The following PRKDC variants were observed in gnomAD, a reference collection of about 807,000 sequenced individuals.
PRKDC encodes the protein DNA-dependent protein kinase catalytic subunit.
Under a neutral mutation model 486.9 loss-of-function variants are expected in PRKDC, and 82 were observed. That is an observed-to-expected ratio of 0.17 (90% CI 0.14 to 0.20). The LOEUF (loss-of-function observed/expected upper bound fraction) is 0.20, where lower values mean the gene tolerates loss of function less well. PRKDC is among the 10% of genes least tolerant of loss of function. The probability of loss-of-function intolerance (pLI) is 1.00; values close to 1 mark genes in which losing one functional copy is unlikely to be tolerated. For synonymous variants in PRKDC, 1,895 were observed against 1,837.0 expected (o/e 1.03, Z -0.81); for missense variants, 4,504 against 5,038.2 (o/e 0.89, Z 3.21).
chr8:47,928,994 T>C, intron 19 of PRKDC, 98 bp downstream of exon 19: 1 of 1,032,400 alleles, frequency 9.7e-7, no homozygotes. Flanking sequence ...CCAGCCCCAA[T>C]TCTTAAAATA....
intron 54 of PRKDC, among the ~76,000 whole-genome samples, chr8:47,848,163 T>G (rs2088316282): frequency 6.6e-6 from 1 of 152,096 alleles, no homozygotes; most frequent in Non-Finnish European, 1.5e-5. Flanking sequence ...AAATAAATCT[T>G]TCTACCAAAA....
intron 69 of PRKDC, 105 bp downstream of exon 69, chr8:47,807,032 A>C: frequency 8.7e-7 from 1 of 1,153,894 alleles, no homozygotes; most frequent in Non-Finnish European, 1.2e-6. Context: ...AATAACACCT[A>C]CCAATTATTT....
intron 7 of PRKDC, among the ~76,000 whole-genome samples, chr8:47,946,704 A>G (rs1019668526): frequency 7.2e-5 from 11 of 152,166 alleles, no homozygotes; most frequent in African/African-American, 2.4e-4. Context: ...TTTCTGCTGC[A>G]AGATCCCCTG....
intron 11 of PRKDC, among the ~76,000 whole-genome samples, chr8:47,937,538 C>A (rs976062696): frequency 1.3e-5 from 2 of 152,150 alleles, no homozygotes; most frequent in Non-Finnish European, 2.9e-5. Context: ...CTCACAAATG[C>A]GCTAATGTAA....
chr8:47,928,516 A>T (rs1039095010), intron 19 of PRKDC, among the ~76,000 whole-genome samples: 3 of 151,722 alleles, frequency 2.0e-5, no homozygotes, highest in African/African-American at 7.3e-5. Flanking sequence ...GTCCCGCTCC[A>T]GATTTAGCAA....
chr8:47,783,075 C>T (rs1005263003), intron 78 of PRKDC: 23 of 166,934 alleles, frequency 1.4e-4, no homozygotes, highest in Admixed American at 9.6e-4. Context: ...CTCAGGAGTT[C>T]GAGACCAGTC....
At chr8:47,890,671 T>C (rs1213581606) in intron 31 of PRKDC, among the ~76,000 whole-genome samples, 191 bp from the exon 32 acceptor site, 1 of 152,212 alleles carries the variant, frequency 6.6e-6, no homozygotes, top group Admixed American at 6.5e-5. Context: ...AAGGACACAT[T>C]GATGGAAAGT....
At chr8:47,912,603 G>A (rs749211383) in intron 24 of PRKDC, 41 bp from the exon 25 acceptor site, 59 of 1,513,600 alleles carry the variant, frequency 3.9e-5, no homozygotes, top group Non-Finnish European at 4.9e-5. Flanking sequence ...AAGTTATCAC[G>A]TTGATGACAA....
chr8:47,944,026 G>A lies in PRKDC; in HGVS notation c.725C>T (p.Pro242Leu), dbSNP rs1470793813. Reference protein sequence around the residue: ...CNFTKSMEEDPQTSREIFNFV... With the variant: ...CNFTKSMEEDLQTSREIFNFV... ...ATTAAAAATCTCCCTTGAAGTCTGG[G>A]GATCTAGGGAAATACCAAGAAGCCT... is the stretch of plus-strand genomic sequence containing the variant. Residue 242 changes from proline (P) to leucine (L), a missense_variant, in exon 8 of 86, where the codon CCC becomes CTC. By Grantham distance (98) the Pro-to-Leu change is moderately conservative. This residue lies in a region of PRKDC where 1,969 missense variants were observed against 2,068.9 expected (regional missense o/e 0.95). Transcript: ENST00000314191. 1.3e-6 allele frequency: 2 copies of A among 1,561,128 alleles called. No homozygotes were observed. Among genetic ancestry groups the A allele is most frequent in the Non-Finnish European group, 1.7e-6 (2 of 1,151,192 alleles).
At chr8:47,932,403 G>A (rs1263031455) in intron 16 of PRKDC, among the ~76,000 whole-genome samples, 1 of 151,156 alleles carries the variant, frequency 6.6e-6, no homozygotes, top group Non-Finnish European at 1.5e-5. Flanking sequence ...TTTTTTAGTA[G>A]AGACGGGGTT....
intron 62 of PRKDC, 118 bp from the exon 63 acceptor site, chr8:47,826,979 G>T (rs2087752306): frequency 7.3e-6 from 7 of 965,462 alleles, no homozygotes; most frequent in Non-Finnish European, 1.0e-5. Flanking sequence ...GATATCACCA[G>T]AAGTTTCTCT....
chr8:47,890,129 TATAATAATAATA>T (rs36103307), intron 32 of PRKDC, 116 bp downstream of exon 32: 3 of 361,660 alleles, frequency 8.3e-6, no homozygotes, highest in Non-Finnish European at 1.3e-5. Flanking sequence ...GAGGATGAAA[TATAATAATAATA>T]ATAATAATAA....
chr8:47,855,514 C>T, intron 49 of PRKDC, 141 bp from the exon 50 acceptor site: 1 of 897,366 alleles, frequency 1.1e-6, no homozygotes. Context: ...TTTTCAGAAA[C>T]AGGTAACAAC....
At chr8:47,852,805 A>G (rs1393649722) in intron 51 of PRKDC, 21 bp from the exon 52 acceptor site, 1 of 1,410,252 alleles carries the variant, frequency 7.1e-7, no homozygotes. Flanking sequence ...CACAGAAAAG[A>G]CATATGCATC....
Position 47,863,586 on chromosome 8 carries a change from AG to A in PRKDC, c.5572-10del, listed in dbSNP as rs1235306486. The A allele has an allele frequency of 6.3e-7, 1 of 1,594,980 alleles. No homozygotes were observed. The highest frequency in any genetic ancestry group is 8.6e-7 in the Non-Finnish European group (1 of 1,166,744). On this transcript the variant is annotated splice_polypyrimidine_tract_variant and intron_variant, in intron 41 of 85. Coordinates refer to ENST00000314191, the MANE Select transcript of PRKDC (RefSeq NM_006904.7). ...AAGGTAGATTCATTTAGCTTCAAAA[AG>A]GTAAAAAATAATTATCTTTGGTCTT...
Position 47,803,310 on chromosome 8 carries a change from C to G in PRKDC, c.9918G>C (p.Leu3306Phe). The G allele has an allele frequency of 1.2e-6, 2 of 1,606,718 alleles. No homozygotes were observed. The highest frequency in any genetic ancestry group is 1.1e-5 in the South Asian group (1 of 90,106). ...GGATAAAAGCGGTCAACTTACCCAACAAAGAGACTGTTTTCAGCACAGTGA... is the reference window on the plus strand; with the variant it reads ...GGATAAAAGCGGTCAACTTACCCAAGAAAGAGACTGTTTTCAGCACAGTGA... ...QVLTVLKTVS[L>F]LDENNVSSYL... Residue 3306 changes from leucine to phenylalanine, a missense_variant, in exon 70 of 86, where the codon TTG becomes TTC. Physicochemically the swap from Leu to Phe is conservative, Grantham distance 22. Coordinates refer to ENST00000314191, the MANE Select transcript of PRKDC (RefSeq NM_006904.7).
chr8:47,939,754 C>T, intron 10 of PRKDC, 57 bp from the exon 11 acceptor site: 1 of 1,376,700 alleles, frequency 7.3e-7, no homozygotes, highest in Non-Finnish European at 9.8e-7. Flanking sequence ...GGAATCTATA[C>T]AAACATGGAA....
At chr8:47,958,481 ATTG>A (rs1259337995) in intron 1 of PRKDC, among the ~76,000 whole-genome samples, 1 of 152,178 alleles carries the variant, frequency 6.6e-6, no homozygotes, top group Non-Finnish European at 1.5e-5. Flanking sequence ...GCTTGTGGTA[ATTG>A]TTACAGCAGC....
chr8:47,862,006 T>C, intron 44 of PRKDC, 56 bp downstream of exon 44: 2 of 1,359,034 alleles, frequency 1.5e-6, no homozygotes, highest in Non-Finnish European at 2.0e-6. Flanking sequence ...TGACATAATA[T>C]GGTTTTCTTT....
Sources: allele counts gnomAD v4.1 joint callset (sites outside exome capture counted in the v4.1 genomes callset), GRCh38; gene constraint gnomAD v4.1.1; regional missense constraint gnomAD v4.1.1; transcripts MANE v1.5; gene names NCBI Gene and HGNC (gene_info 2026-07-23, HGNC 2026-07-21).